The following PPP1R9A variants were observed in gnomAD, a reference collection of about 807,000 sequenced individuals.
PPP1R9A encodes the protein protein phosphatase 1 regulatory subunit 9A.
A neutral mutation model predicts 141.9 loss-of-function variants in PPP1R9A; 59 were observed. That is an observed-to-expected ratio of 0.42 (90% CI 0.34 to 0.52). The LOEUF (loss-of-function observed/expected upper bound fraction) is 0.52, where lower values mean the gene tolerates loss of function less well. PPP1R9A is among the 20% of genes least tolerant of loss of function. The pLI is 0.10. For missense variants in PPP1R9A, 1,444 were observed against 1,611.9 expected, an observed-to-expected ratio of 0.90 and a Z score of 1.78; for synonymous variants, 500 against 569.7, an observed-to-expected ratio of 0.88 and a Z score of 1.74.
At chr7:94,930,143 C>T (rs911439155) in intron 2 of PPP1R9A, among the ~76,000 whole-genome samples, 1 of 151,940 alleles carries the variant, frequency 6.6e-6, no homozygotes, top group African/African-American at 2.4e-5. Flanking sequence ...AGTGTTAGAT[C>T]CAGGTATATA....
chr7:95,244,139 C>G (rs1235802144), intron 8 of PPP1R9A, among the ~76,000 whole-genome samples: 1 of 152,170 alleles, frequency 6.6e-6, no homozygotes, highest in Non-Finnish European at 1.5e-5. Flanking sequence ...ACAATTCATT[C>G]TGCTTTCCTA....
intron 2 of PPP1R9A, among the ~76,000 whole-genome samples, chr7:95,091,226 A>G (rs917720273): frequency 4.6e-5 from 7 of 151,820 alleles, no homozygotes; most frequent in Admixed American, 2.6e-4. Flanking sequence ...CTGTTAGGTC[A>G]GCTTATACTA....
intron 2 of PPP1R9A, among the ~76,000 whole-genome samples, chr7:95,000,331 T>A (rs1372247680): frequency 6.6e-6 from 1 of 152,208 alleles, no homozygotes; most frequent in Non-Finnish European, 1.5e-5. Flanking sequence ...AAAACTGTTC[T>A]TTCATGGCTG....
At chr7:95,235,669 A>G (rs890347503) in intron 8 of PPP1R9A, among the ~76,000 whole-genome samples, 1 of 152,088 alleles carries the variant, frequency 6.6e-6, no homozygotes, top group African/African-American at 2.4e-5. Context: ...AAAAGAACTC[A>G]TTGTATGGAA....
At chr7:95,121,228 A>G (rs1246363511) in intron 4 of PPP1R9A, among the ~76,000 whole-genome samples, 2 of 152,210 alleles carry the variant, frequency 1.3e-5, no homozygotes, top group African/African-American at 2.4e-5. Flanking sequence ...ATGGTAAGTT[A>G]GGAACTCTAA....
At chr7:94,989,874 T>C (rs1034010707) in intron 2 of PPP1R9A, among the ~76,000 whole-genome samples, 1 of 152,142 alleles carries the variant, frequency 6.6e-6, no homozygotes, top group African/African-American at 2.4e-5. Context: ...TGATTGCCTA[T>C]AAAGGAATTA....
intron 2 of PPP1R9A, among the ~76,000 whole-genome samples, chr7:95,014,381 G>T (rs2151650473): frequency 6.6e-6 from 1 of 152,092 alleles, no homozygotes; most frequent in South Asian, 2.1e-4. Context: ...ATAAGCTTGG[G>T]TTTATCTGCT....
chr7:95,020,267 G>A (rs1805742153), intron 2 of PPP1R9A, among the ~76,000 whole-genome samples: 1 of 152,148 alleles, frequency 6.6e-6, no homozygotes, highest in African/African-American at 2.4e-5. Context: ...TATCTTAGGT[G>A]TAGTGATGGT....
At chr7:95,215,810 G>C (rs1793258446) in intron 7 of PPP1R9A, among the ~76,000 whole-genome samples, 1 of 152,112 alleles carries the variant, frequency 6.6e-6, no homozygotes, top group Non-Finnish European at 1.5e-5. Context: ...CCCACTTTTT[G>C]ATGGGGTTGT....
At chr7:95,016,325 C>T (rs986861080) in intron 2 of PPP1R9A, among the ~76,000 whole-genome samples, 2 of 152,000 alleles carry the variant, frequency 1.3e-5, no homozygotes, top group African/African-American at 2.4e-5. Flanking sequence ...CAGCAACAGT[C>T]TTATGCCACA....
At chr7:95,195,684 A>G (rs1037944280) in intron 5 of PPP1R9A, among the ~76,000 whole-genome samples, 8 of 152,214 alleles carry the variant, frequency 5.3e-5, no homozygotes, top group African/African-American at 1.9e-4. Flanking sequence ...AATTAAATGC[A>G]TAAACACCTA....
chr7:95,116,961 C>A (rs1250879216), intron 3 of PPP1R9A, among the ~76,000 whole-genome samples: 1 of 152,022 alleles, frequency 6.6e-6, no homozygotes, highest in East Asian at 1.9e-4. Context: ...CTAGAAGAAT[C>A]TAAAGTTGGA....
chr7:95,100,041 T>G (rs1818551035), intron 2 of PPP1R9A, among the ~76,000 whole-genome samples: 1 of 152,098 alleles, frequency 6.6e-6, no homozygotes, highest in Non-Finnish European at 1.5e-5. Context: ...CATATATATT[T>G]TACTTATATA....
chr7:95,027,208 G>A (rs1806983166), intron 2 of PPP1R9A, among the ~76,000 whole-genome samples: 1 of 152,152 alleles, frequency 6.6e-6, no homozygotes, highest in Non-Finnish European at 1.5e-5. Flanking sequence ...CAGGGCCCTG[G>A]TGGCATAGGC....
intron 2 of PPP1R9A, among the ~76,000 whole-genome samples, chr7:94,925,265 T>C (rs1793332226): frequency 6.6e-6 from 1 of 152,148 alleles, no homozygotes; most frequent in Non-Finnish European, 1.5e-5. Flanking sequence ...ACTGTTTCAA[T>C]GAGGCCCACC....
At chr7:95,175,005 C>T (rs1458671967) in intron 5 of PPP1R9A, 1 of 152,146 alleles carries the variant, frequency 6.6e-6, no homozygotes, top group Non-Finnish European at 1.5e-5. Context: ...TGCCAGGCCT[C>T]TCACAACATG....
At chr7:95,178,252 A>G (rs1271416629) in intron 5 of PPP1R9A, among the ~76,000 whole-genome samples, 1 of 152,158 alleles carries the variant, frequency 6.6e-6, no homozygotes, top group Non-Finnish European at 1.5e-5. Flanking sequence ...ATGCAAATAC[A>G]TGGAAATTAA....
At chr7:95,233,158 G>C (rs1796208218) in intron 8 of PPP1R9A, among the ~76,000 whole-genome samples, 1 of 152,236 alleles carries the variant, frequency 6.6e-6, no homozygotes, top group African/African-American at 2.4e-5. Context: ...AGAAAATGTG[G>C]CACATATACA....
intron 14 of PPP1R9A, 26 bp from the exon 15 acceptor site, chr7:95,273,873 C>A (rs1268273210): frequency 6.9e-7 from 1 of 1,456,138 alleles, no homozygotes; most frequent in Non-Finnish European, 9.3e-7. Context: ...AATAATTGAT[C>A]TTTTTCACAA....
Sources: allele counts gnomAD v4.1 joint callset (sites outside exome capture counted in the v4.1 genomes callset), GRCh38; gene constraint gnomAD v4.1.1; transcripts MANE v1.5; gene names NCBI Gene and HGNC (gene_info 2026-07-23, HGNC 2026-07-21).